SMYD3: variants seen among roughly 807,000 people sequenced by gnomAD.
The protein encoded by SMYD3 is SET and MYND domain containing 3, also known as histone-lysine N-methyltransferase SMYD3.
A neutral mutation model predicts 57.7 loss-of-function variants in SMYD3; 36 were observed. That is an observed-to-expected ratio of 0.62 (90% CI 0.48 to 0.82). The LOEUF is 0.82. SMYD3 is among the 40% of genes least tolerant of loss of function. SMYD3 has a pLI of 0.00. For synonymous variants in SMYD3, 211 were observed against 195.0 expected, an observed-to-expected ratio of 1.08 and a Z score of -0.68; for missense variants, 515 against 538.8, an observed-to-expected ratio of 0.96 and a Z score of 0.44.
At position 246,108,130 on chromosome 1, in the gene SMYD3, A is replaced by G. The variant is rs368587218; in HGVS notation, c.532-178193T>C. Among the ~76,000 whole-genome samples the G allele has an allele frequency of 3.3e-5, 5 of 152,332 alleles. No homozygotes were observed. The South Asian group carries it at 1.0e-3, about 32-fold the overall frequency. On this transcript the variant is annotated intron_variant, in intron 5 of 11. Coordinates refer to ENST00000490107, the MANE Select transcript of SMYD3 (RefSeq NM_001167740.2). ...AACAAAGGTCTTCTTGTGCAAAGGA[A>G]GAATTCGAAAGAGGAATTCTTAAGT...
intron 8 of SMYD3, among the ~76,000 whole-genome samples, chr1:245,866,589 G>A (rs372319334): frequency 6.6e-6 from 1 of 152,026 alleles, no homozygotes; most frequent in East Asian, 1.9e-4. Context: ...AAAACTAGCT[G>A]GGTCTAGTGG....
intron 1 of SMYD3, among the ~76,000 whole-genome samples, chr1:246,412,850 C>T (rs2066999128): frequency 1.9e-5 from 2 of 102,696 alleles, no homozygotes; most frequent in Non-Finnish European, 3.9e-5. Context: ...AAGAGTGAGA[C>T]TCCGTCTCAA....
intron 2 of SMYD3, among the ~76,000 whole-genome samples, chr1:246,346,290 A>C (rs2065714861): frequency 6.6e-6 from 1 of 152,102 alleles, no homozygotes; most frequent in Non-Finnish European, 1.5e-5. Context: ...CTCAAAAAAA[A>C]CAAACAAACT....
At chr1:246,061,118 G>A (rs1392576402) in intron 5 of SMYD3, among the ~76,000 whole-genome samples, 2 of 152,116 alleles carry the variant, frequency 1.3e-5, no homozygotes, top group Non-Finnish European at 1.5e-5. Flanking sequence ...AGCTACTCGG[G>A]AGGCTGAGGC....
At chr1:246,412,793 G>A (rs1218138651) in intron 1 of SMYD3, among the ~76,000 whole-genome samples, 2 of 149,916 alleles carry the variant, frequency 1.3e-5, no homozygotes, top group African/African-American at 4.9e-5. Flanking sequence ...GGGAGGCGGA[G>A]GTTGCTGTGA....
chr1:245,793,084 G>GC (rs201171768), intron 10 of SMYD3, among the ~76,000 whole-genome samples: 114,271 of 145,258 alleles, frequency 0.79, 45,181 homozygotes, highest in Middle Eastern at 0.87. Context: ...GCCGAGGCGG[G>GC]TGATCACGAA....
intron 10 of SMYD3, among the ~76,000 whole-genome samples, chr1:245,800,797 T>C (rs2047821966): frequency 6.6e-6 from 1 of 152,146 alleles, no homozygotes; most frequent in African/African-American, 2.4e-5. Context: ...CCCAGGAACT[T>C]GGGGAAGGAT....
At chr1:245,949,833 C>CA (rs1553371306) in intron 5 of SMYD3, among the ~76,000 whole-genome samples, 2 of 139,604 alleles carry the variant, frequency 1.4e-5, no homozygotes, top group South Asian at 2.5e-4. Context: ...CCACCCCCCC[C>CA]ACCCCCACCC....
At chr1:245,811,197 C>T (rs948475015) in intron 10 of SMYD3, among the ~76,000 whole-genome samples, 1 of 152,170 alleles carries the variant, frequency 6.6e-6, no homozygotes, top group African/African-American at 2.4e-5. Flanking sequence ...AGCAGGTAAA[C>T]AGAGCGCTGA....
At chr1:246,144,554 T>G (rs1423647556) in intron 5 of SMYD3, among the ~76,000 whole-genome samples, 1 of 152,202 alleles carries the variant, frequency 6.6e-6, no homozygotes, top group Admixed American at 6.5e-5. Flanking sequence ...CAAAGTAATA[T>G]ACCCTCCCTG....
chr1:246,393,974 T>C (rs948707959), intron 1 of SMYD3, among the ~76,000 whole-genome samples: 19 of 152,230 alleles, frequency 1.2e-4, no homozygotes, highest in African/African-American at 4.6e-4. Context: ...GCAAAGGATT[T>C]TTCCACATGA....
At chr1:246,443,014 C>A (rs922885990) in intron 1 of SMYD3, among the ~76,000 whole-genome samples, 1 of 152,102 alleles carries the variant, frequency 6.6e-6, no homozygotes, top group South Asian at 2.1e-4. Context: ...TATTTAAATT[C>A]TTCTTATTTA....
At chr1:246,226,762 T>C (rs1161245827) in intron 5 of SMYD3, among the ~76,000 whole-genome samples, 1 of 152,200 alleles carries the variant, frequency 6.6e-6, no homozygotes, top group Non-Finnish European at 1.5e-5. Flanking sequence ...AAGAATCTCA[T>C]ACTAACCTCT....
intron 5 of SMYD3, among the ~76,000 whole-genome samples, chr1:246,090,186 A>G (rs2060796803): frequency 6.6e-6 from 1 of 152,218 alleles, no homozygotes; most frequent in African/African-American, 2.4e-5. Flanking sequence ...AGTACAAAAG[A>G]AAAGATACAG....
chr1:246,104,223 G>C (rs1558231541), intron 5 of SMYD3, among the ~76,000 whole-genome samples: 2 of 152,212 alleles, frequency 1.3e-5, no homozygotes, highest in South Asian at 2.1e-4. Flanking sequence ...TAAATTTGTG[G>C]AATAAAAGAA....
chr1:245,793,214 C>G lies in SMYD3; in HGVS notation c.1077-29065G>C, dbSNP rs938924383. Reference sequence around the variant, plus strand: ...GTCCCAGCTACTCGGGAGGCTGAGGCAGGAGAATCGCTTGAACCCAGGAGA... The same window carrying G: ...GTCCCAGCTACTCGGGAGGCTGAGGGAGGAGAATCGCTTGAACCCAGGAGA... On this transcript the variant is annotated intron_variant, in intron 10 of 11. Coordinates refer to ENST00000490107, the MANE Select transcript of SMYD3 (RefSeq NM_001167740.2). Among the ~76,000 whole-genome samples the G allele has an allele frequency of 3.3e-5, 5 of 151,560 alleles. 1 individual carries two copies. The highest frequency in any genetic ancestry group is 4.2e-4 in the South Asian group (2 of 4,780).
chr1:245,901,758 A>G (rs2054197058), intron 8 of SMYD3, among the ~76,000 whole-genome samples: 1 of 152,212 alleles, frequency 6.6e-6, no homozygotes, highest in Non-Finnish European at 1.5e-5. Flanking sequence ...AGGCACAGAG[A>G]AAGAGGGAAG....
At chr1:246,370,739 C>G (rs372460531) in intron 1 of SMYD3, among the ~76,000 whole-genome samples, 1 of 152,188 alleles carries the variant, frequency 6.6e-6, no homozygotes, top group Non-Finnish European at 1.5e-5. Flanking sequence ...TTACTAAAAA[C>G]GGAAAAAAGC....
At chr1:246,253,994 C>G (rs766325837) in intron 5 of SMYD3, among the ~76,000 whole-genome samples, 1 of 152,132 alleles carries the variant, frequency 6.6e-6, no homozygotes, top group Non-Finnish European at 1.5e-5. Flanking sequence ...CTCTTTTTCT[C>G]TGCTGCCTCA....
Sources: gnomAD v4.1 joint callset for allele counts (sites outside exome capture counted in the v4.1 genomes callset) on GRCh38, gnomAD v4.1.1 for gene constraint, MANE v1.5 for transcripts, NCBI Gene and HGNC (gene_info 2026-07-23, HGNC 2026-07-21) for gene names.